The following FHIT variants were observed in gnomAD, a reference collection of about 807,000 sequenced individuals.
The protein encoded by FHIT is fragile histidine triad diadenosine triphosphatase, also known as bis(5'-adenosyl)-triphosphatase.
Under a neutral mutation model 17.9 loss-of-function variants are expected in FHIT, and 19 were observed. The observed-to-expected ratio is 1.06, with a 90% confidence interval of 0.74 to 1.56. The LOEUF (loss-of-function observed/expected upper bound fraction) is 1.56, where lower values mean the gene tolerates loss of function less well. Among genes scored for constraint, FHIT ranks in the 40% most tolerant of loss-of-function variants. The pLI, the probability that FHIT is intolerant of heterozygous loss-of-function variation, is 0.00. For missense variants in FHIT, 248 were observed against 189.2 expected (o/e 1.31, Z -1.82); for synonymous variants, 81 against 69.7 (o/e 1.16, Z -0.81).
intron 4 of FHIT, among the ~76,000 whole-genome samples, chr3:60,574,199 G>A (rs2037487713): frequency 6.6e-6 from 1 of 152,038 alleles, no homozygotes; most frequent in East Asian, 1.9e-4. Context: ...CCAGGAGTTT[G>A]GAAGCTTTTC....
At position 60,109,345 on chromosome 3, in the gene FHIT, G is replaced by A. The variant is rs562871698; in HGVS notation, c.104-95193C>T. ...GTTTGAACTTTTCATGTCATCTCAC[G>A]CATCTCAGAGGGTATTAAACTCCAT... is the stretch of plus-strand genomic sequence containing the variant. On this transcript the variant is annotated intron_variant, in intron 5 of 9. Transcript: ENST00000492590. Among the ~76,000 whole-genome samples the A allele has an allele frequency of 3.0e-4, 46 of 152,202 alleles. 1 individual carries two copies. The South Asian group carries it at 7.9e-3, about 26-fold the overall frequency.
chr3:60,940,083 G>C (rs1485131455), intron 3 of FHIT, among the ~76,000 whole-genome samples: 1 of 152,064 alleles, frequency 6.6e-6, no homozygotes, highest in Non-Finnish European at 1.5e-5. Flanking sequence ...CAAACTCTAT[G>C]AAACGGTTTT....
intron 5 of FHIT, among the ~76,000 whole-genome samples, chr3:60,047,668 T>G (rs1701707171): frequency 6.6e-6 from 1 of 152,200 alleles, no homozygotes; most frequent in East Asian, 1.9e-4. Context: ...ATGATTAGAA[T>G]AACAACAAAC....
chr3:60,728,645 C>T (rs1553710248), intron 4 of FHIT, among the ~76,000 whole-genome samples: 2 of 150,998 alleles, frequency 1.3e-5, no homozygotes, highest in African/African-American at 4.9e-5. Context: ...ATATTAGATA[C>T]TTGACCAATT....
chr3:60,104,488 T>TA (rs1261383191), intron 5 of FHIT, among the ~76,000 whole-genome samples: 2 of 151,430 alleles, frequency 1.3e-5, no homozygotes, highest in African/African-American at 4.9e-5. Flanking sequence ...TAAACTTTTT[T>TA]TTTTTTTTAC....
chr3:61,080,931 C>G (rs138020602), intron 2 of FHIT, among the ~76,000 whole-genome samples: 1 of 152,068 alleles, frequency 6.6e-6, no homozygotes, highest in Non-Finnish European at 1.5e-5. Flanking sequence ...CAAAGGATCA[C>G]GGCAAAAAGC....
At chr3:61,146,845 G>C (rs1397866901) in intron 2 of FHIT, among the ~76,000 whole-genome samples, 1 of 152,058 alleles carries the variant, frequency 6.6e-6, no homozygotes, top group Non-Finnish European at 1.5e-5. Context: ...GTTTTGAAAA[G>C]TGTAATATAT....
chr3:60,656,867 C>G (rs1436579066), intron 4 of FHIT, among the ~76,000 whole-genome samples: 1 of 152,098 alleles, frequency 6.6e-6, no homozygotes, highest in Non-Finnish European at 1.5e-5. Flanking sequence ...TCCAGTAATA[C>G]TTTTCCCTTT....
intron 2 of FHIT, among the ~76,000 whole-genome samples, chr3:61,177,588 G>A (rs918988935): frequency 6.6e-6 from 1 of 152,144 alleles, no homozygotes; most frequent in Non-Finnish European, 1.5e-5. Context: ...TCTCCCCAGT[G>A]ACTTAAAACT....
rs563328925 is a variant in FHIT, at chr3:60,768,563, G to T, written c.-18+53356C>A. ...CCACTCCCAAATGTACCACTTGCTA[G>T]AAACATCAATAAGGAAATCTGTTGG... On this transcript the variant is annotated intron_variant, in intron 4 of 9. Transcript: ENST00000492590. Among the ~76,000 whole-genome samples the T allele has an allele frequency of 2.0e-5, 3 of 152,336 alleles. No individual in the cohort carries two copies. In the East Asian group the frequency reaches 5.8e-4, roughly 29 times the overall value.
At chr3:60,582,174 T>G (rs1278377674) in intron 4 of FHIT, among the ~76,000 whole-genome samples, 1 of 151,976 alleles carries the variant, frequency 6.6e-6, no homozygotes, top group African/African-American at 2.4e-5. Context: ...TGGACTGGGG[T>G]GCAACCGAGA....
intron 8 of FHIT, among the ~76,000 whole-genome samples, chr3:59,760,857 C>T (rs1701477829): frequency 6.6e-6 from 1 of 150,492 alleles, no homozygotes; most frequent in South Asian, 2.1e-4. Flanking sequence ...GAGACAAGGT[C>T]TCACTCTGTC....
rs577293293 is a variant in FHIT at position 60,660,362 on chromosome 3, T to C, written c.-17-123383A>G. ...CACACCCTGGCTCCCATAAACTGTGTGCAGGCTACTCCTGGAATCTGTGCA... is the reference window on the plus strand; with the variant it reads ...CACACCCTGGCTCCCATAAACTGTGCGCAGGCTACTCCTGGAATCTGTGCA... On this transcript the variant is annotated intron_variant, in intron 4 of 9. Transcript: ENST00000492590. Among the ~76,000 whole-genome samples the C allele has an allele frequency of 1.8e-4, 28 of 152,234 alleles. 1 individual carries two copies. The South Asian group carries it at 5.8e-3, about 32-fold the overall frequency.
At chr3:60,701,760 T>C (rs2107910710) in intron 4 of FHIT, among the ~76,000 whole-genome samples, 1 of 152,342 alleles carries the variant, frequency 6.6e-6, no homozygotes, top group South Asian at 2.1e-4. Context: ...TTTCTAATCT[T>C]GTAGCTAGTG....
intron 2 of FHIT, among the ~76,000 whole-genome samples, chr3:61,130,059 G>C (rs895528614): frequency 6.6e-6 from 1 of 152,188 alleles, no homozygotes; most frequent in Admixed American, 6.5e-5. Context: ...AGGTGCCACA[G>C]AGTTGGCAAA....
chr3:60,188,125 T>C (rs531012840), intron 5 of FHIT, among the ~76,000 whole-genome samples: 2 of 152,190 alleles, frequency 1.3e-5, no homozygotes, highest in African/African-American at 4.8e-5. Context: ...CAGCACTGTT[T>C]TCTGATTTCA....
chr3:60,401,708 A>G (rs1701663157), intron 5 of FHIT, among the ~76,000 whole-genome samples: 1 of 152,166 alleles, frequency 6.6e-6, no homozygotes, highest in South Asian at 2.1e-4. Context: ...TGATTATACA[A>G]TCTGTTTCCT....
chr3:59,809,976 G>T (rs553302553), intron 8 of FHIT, among the ~76,000 whole-genome samples: 1 of 152,178 alleles, frequency 6.6e-6, no homozygotes, highest in East Asian at 1.9e-4. Flanking sequence ...TGGTTACTAG[G>T]GGATACGTCA....
chr3:60,896,292 G>A lies in FHIT; in HGVS notation c.-110-74281C>T, dbSNP rs991079403. On this transcript the variant is annotated intron_variant, in intron 3 of 9. Transcript: ENST00000492590. ...GTGGGGAATGCTATTTAGAAAGCAA[G>A]AGCTGGGCACTCAGTGTGTTCACTG... Among the ~76,000 whole-genome samples the A allele has an allele frequency of 2.6e-5, 4 of 152,262 alleles. No homozygotes were observed. The East Asian group carries it at 7.7e-4, about 29-fold the overall frequency.
Sources: allele counts gnomAD v4.1 joint callset (sites outside exome capture counted in the v4.1 genomes callset), GRCh38; gene constraint gnomAD v4.1.1; transcripts MANE v1.5; gene names NCBI Gene and HGNC (gene_info 2026-07-23, HGNC 2026-07-21).